ECE1: variants seen among roughly 807,000 people sequenced by gnomAD.
ECE1 encodes the protein endothelin converting enzyme 1.
ECE1 carries 35 observed loss-of-function variants against 98.6 expected under a neutral mutation model. The observed-to-expected ratio is 0.35, with a 90% confidence interval of 0.27 to 0.47. ECE1 has a LOEUF of 0.47. Among genes scored for constraint, ECE1 ranks in the 20% least tolerant of loss-of-function variants. The pLI is 1.00. For missense variants in ECE1, 814 were observed against 1,025.3 expected (o/e 0.79, Z 2.81); for synonymous variants, 394 against 407.1 (o/e 0.97, Z 0.39).
intron 1 of ECE1, among the ~76,000 whole-genome samples, chr1:21,305,674 G>A (rs1020747635): frequency 3.9e-5 from 6 of 152,194 alleles, no homozygotes. Context: ...CAGTTCGTGA[G>A]AGTGGCCTCT....
At chr1:21,321,652 G>A (rs1222310762) in intron 1 of ECE1, among the ~76,000 whole-genome samples, 1 of 152,112 alleles carries the variant, frequency 6.6e-6, no homozygotes, top group Non-Finnish European at 1.5e-5. Context: ...GTCTCGCTCT[G>A]TTGCCCAGGC....
chr1:21,308,976 G>T (rs879420922), intron 1 of ECE1, among the ~76,000 whole-genome samples: 4 of 152,194 alleles, frequency 2.6e-5, no homozygotes, highest in Non-Finnish European at 5.9e-5. Context: ...TGTTTCTGGA[G>T]ATTATCACAG....
chr1:21,225,227 CGT>C lies in ECE1; in HGVS notation c.2040+21_2040+22del, dbSNP rs1423804929. On this transcript the variant is annotated intron_variant, in intron 17 of 18. Transcript: ENST00000374893. This position sits in a 1 kb window ranked among gnomAD's most constrained non-coding sequence, Gnocchi z 5.3. ...AAGGAGCCAGCACTGGGACCGTGCG[CGT>C]GTGGGGAGCGGGGCTCTCACCCGAT... The C allele has an allele frequency of 6.8e-6, 11 of 1,613,282 alleles. No homozygotes were observed. Among genetic ancestry groups the C allele is most frequent in the Non-Finnish European group, 9.3e-6 (11 of 1,179,896 alleles).
intron 2 of ECE1, among the ~76,000 whole-genome samples, chr1:21,285,603 T>A (rs1465882838): frequency 6.6e-6 from 1 of 150,456 alleles, no homozygotes; most frequent in South Asian, 2.1e-4. Flanking sequence ...TGTGAGAGGA[T>A]CGCTTGAGCC....
At chr1:21,276,686 T>C (rs1175204539) in intron 3 of ECE1, among the ~76,000 whole-genome samples, 2 of 58,936 alleles carry the variant, frequency 3.4e-5, no homozygotes, top group Non-Finnish European at 1.1e-4. Context: ...TTTGCTTTCT[T>C]TTTTTTTTTT....
At chr1:21,237,088 A>G (rs891528041) in intron 11 of ECE1, among the ~76,000 whole-genome samples, 1 of 152,054 alleles carries the variant, frequency 6.6e-6, no homozygotes, top group Non-Finnish European at 1.5e-5. Context: ...GAGCTTCGGG[A>G]AAGTTGGAAA....
rs2098264878 is a variant in ECE1, at chr1:21,290,020, T to A, written c.138+50A>T. 2.7e-6 allele frequency: 3 copies of A among 1,096,078 alleles called. No individual in the cohort carries two copies. Among genetic ancestry groups the A allele is most frequent in the Non-Finnish European group, 3.4e-6 (3 of 886,588 alleles). 67.9% of individuals were successfully genotyped at this position (1,096,078 alleles called of 1,614,324 possible). Reference sequence around the variant, plus strand: ...GGGGGCGCGGCAGCGGCAGCGCGCATGCCCGGGCCCGGGGCGCCTGGACCT... The same window carrying A: ...GGGGGCGCGGCAGCGGCAGCGCGCAAGCCCGGGCCCGGGGCGCCTGGACCT... On this transcript the variant is annotated intron_variant, in intron 2 of 18. Coordinates refer to ENST00000374893, the MANE Select transcript of ECE1 (RefSeq NM_001397.3). This position sits in a 1 kb window ranked among gnomAD's most constrained non-coding sequence, Gnocchi z 7.3.
chr1:21,253,019 G>A (rs555579884), intron 8 of ECE1, among the ~76,000 whole-genome samples: 5 of 151,178 alleles, frequency 3.3e-5, no homozygotes, highest in Admixed American at 2.6e-4. Flanking sequence ...GGCTTCAGGG[G>A]GCCAGGACTT....
At chr1:21,237,413 G>A (rs761323998) in intron 11 of ECE1, among the ~76,000 whole-genome samples, 1 of 152,152 alleles carries the variant, frequency 6.6e-6, no homozygotes, top group East Asian at 1.9e-4. Flanking sequence ...AAGAGCAGAG[G>A]GGCCAGCAGA....
intron 10 of ECE1, among the ~76,000 whole-genome samples, chr1:21,242,620 C>A (rs2098197983): frequency 6.6e-6 from 1 of 152,090 alleles, no homozygotes; most frequent in South Asian, 2.1e-4. Flanking sequence ...CCTGGGGTAT[C>A]CAGAGACCCC....
At chr1:21,314,577 T>C (rs1289111177) in intron 1 of ECE1, among the ~76,000 whole-genome samples, 2 of 152,182 alleles carry the variant, frequency 1.3e-5, no homozygotes, top group Non-Finnish European at 2.9e-5. Context: ...GGTGACCCCT[T>C]TCCTAACCCA....
At position 21,218,463 on chromosome 1, in the gene ECE1, C is replaced by T. The variant is rs2098163510; in HGVS notation, c.*1492G>A. On this transcript the variant is annotated 3_prime_UTR_variant, in exon 19 of 19. Coordinates refer to ENST00000374893, the MANE Select transcript of ECE1 (RefSeq NM_001397.3). The surrounding 1 kb of genome is among the most constrained non-coding windows in gnomAD (Gnocchi z 4.0). ...AGGGGCTGTCTCCTTGGGGTGGAGACTGGCGGCTGCAGCCTCAGATAAGGC... is the reference window on the plus strand; with the variant it reads ...AGGGGCTGTCTCCTTGGGGTGGAGATTGGCGGCTGCAGCCTCAGATAAGGC... 1 of 152,536 alleles carries T rather than the reference C, an allele frequency of 6.6e-6. No individual in the cohort carries two copies. Among genetic ancestry groups the T allele is most frequent in the African/African-American group, 2.4e-5 (1 of 41,462 alleles). The allele number at this position is 152,536 out of a possible 1,614,324, so 9.4% of individuals were successfully genotyped here. A position where few individuals can be genotyped will look rare whatever the true frequency, so the allele number is the denominator to read the frequency against.
intron 4 of ECE1, among the ~76,000 whole-genome samples, chr1:21,263,009 G>A (rs557812692): frequency 2.0e-5 from 3 of 152,322 alleles, no homozygotes; most frequent in East Asian, 1.9e-4. Context: ...ATCTGATTAC[G>A]CACGGGGTGA....
Position 21,236,814 on chromosome 1 carries a change from CCTT to C in ECE1, c.1417_1419del (p.Lys473del). 6.2e-7 allele frequency: 1 copy of C among 1,613,990 alleles called. No homozygotes were observed. The highest frequency in any genetic ancestry group is 8.5e-7 in the Non-Finnish European group (1 of 1,180,000). ...AGGGTGCTCAGGCTTTCCTCAAATG[CCTT>C]CTTAATCTCCAGGATGATCTCGGTG... is the stretch of plus-strand genomic sequence containing the variant. On this transcript the variant is annotated inframe_deletion, in exon 12 of 19. Transcript: ENST00000374893.
chr1:21,296,868 C>T (rs918101560), intron 1 of ECE1, among the ~76,000 whole-genome samples: 25 of 152,302 alleles, frequency 1.6e-4, no homozygotes, highest in Middle Eastern at 3.4e-3. Context: ...CTGCTGGGGC[C>T]TGGAGAGGGA....
Position 21,233,353 on chromosome 1 carries a change from C to T in ECE1, c.1670+205G>A, listed in dbSNP as rs1463051869. 3.7e-6 allele frequency: 2 copies of T among 539,254 alleles called. No homozygotes were observed. Among genetic ancestry groups the T allele is most frequent in the Non-Finnish European group, 6.7e-6 (2 of 299,156 alleles). 33.4% of individuals were successfully genotyped at this position (539,254 alleles called of 1,614,324 possible). A position where few individuals can be genotyped will look rare whatever the true frequency, so the allele number is the denominator to read the frequency against. ...CCAACAGGCTGGGCAGGCTCAAGCC[C>T]ATCCCAGCTCCTAGCTGGGCCATAC... is the stretch of plus-strand genomic sequence containing the variant. On this transcript the variant is annotated intron_variant, in intron 14 of 18. Transcript: ENST00000374893. The surrounding 1 kb of genome is among the most constrained non-coding windows in gnomAD (Gnocchi z 4.0).
chr1:21,254,068 CAAAAAAAAAAAAAAA>C (rs57691016), intron 8 of ECE1, among the ~76,000 whole-genome samples: 1 of 99,126 alleles, frequency 1.0e-5, no homozygotes, highest in Non-Finnish European at 1.9e-5. Context: ...GACTTTGTCT[CAAAAAAAAAAAAAAA>C]AAAAAAAAAG....
intron 17 of ECE1, among the ~76,000 whole-genome samples, chr1:21,223,986 C>T (rs1476268682): frequency 6.6e-6 from 1 of 152,172 alleles, no homozygotes; most frequent in Non-Finnish European, 1.5e-5. Flanking sequence ...CAGGACAAAA[C>T]CAAAGGTCCT....
In ECE1 at chr1:21,258,961, C is replaced by T; in HGVS notation, c.616-122G>A. On this transcript the variant is annotated intron_variant, in intron 5 of 18. Transcript: ENST00000374893. The surrounding 1 kb of genome is among the most constrained non-coding windows in gnomAD (Gnocchi z 4.2). ...GCAGTCGCCTGACCTCTCTGAGCCTCAAGAGCAAAGGAAAGGATTGGTCTT... is the reference window on the plus strand; with the variant it reads ...GCAGTCGCCTGACCTCTCTGAGCCTTAAGAGCAAAGGAAAGGATTGGTCTT... 2 of 1,379,524 alleles carry T rather than the reference C, an allele frequency of 1.4e-6. No homozygotes were observed. The highest frequency in any genetic ancestry group is 1.3e-5 in the South Asian group (1 of 75,316). The allele number at this position is 1,379,524 out of a possible 1,614,324, so 85.5% of individuals were successfully genotyped here.
Sources: allele counts gnomAD v4.1 joint callset (sites outside exome capture counted in the v4.1 genomes callset), GRCh38; gene constraint gnomAD v4.1.1; non-coding constraint Gnocchi (gnomAD v3.1); transcripts MANE v1.5; gene names NCBI Gene and HGNC (gene_info 2026-07-23, HGNC 2026-07-21).